Variants in NMNAT3 observed in about 807,000 individuals in gnomAD.
NMNAT3 encodes the protein nicotinamide/nicotinic acid mononucleotide adenylyltransferase 3.
Under a neutral mutation model 24.8 loss-of-function variants are expected in NMNAT3, and 21 were observed. That is an observed-to-expected ratio of 0.85 (90% CI 0.60 to 1.22). NMNAT3 has a LOEUF of 1.22. NMNAT3 is among the 50% of genes most tolerant of loss of function. The pLI is 0.00. For synonymous variants in NMNAT3, 136 were observed against 155.2 expected, an observed-to-expected ratio of 0.88 and a Z score of 0.92; for missense variants, 387 against 436.6, an observed-to-expected ratio of 0.89 and a Z score of 1.01.
intron 1 of NMNAT3, among the ~76,000 whole-genome samples, 156 bp downstream of exon 1, chr3:139,677,549 G>A (rs891326828): frequency 3.9e-5 from 6 of 152,202 alleles, no homozygotes; most frequent in African/African-American, 1.4e-4. Context: ...TGTCCCCCCG[G>A]TTCGCGCCAC....
In NMNAT3 at chr3:139,672,113, C is replaced by T. The variant is rs1355340424; in HGVS notation, c.-141+5592G>A. The stretch of plus-strand genomic sequence containing the variant: ...TGAGCCATGCTTGTCAGCCTTGCTC[C>T]GTACTCTCCTCTTTCCAGAACACTG... On this transcript the variant is annotated intron_variant, in intron 1 of 6. Coordinates refer to ENST00000643695, the MANE Select transcript of NMNAT3 (RefSeq NM_001320510.2). Among the ~76,000 whole-genome samples the T allele has an allele frequency of 5.3e-5, 8 of 152,280 alleles. No homozygotes were observed. The South Asian group carries it at 6.2e-4, about 12-fold the overall frequency.
Position 139,578,871 on chromosome 3 carries a change from C to A in NMNAT3, c.575+1G>T, listed in dbSNP as rs990475297. 2 of 1,613,186 alleles carry A rather than the reference C, an allele frequency of 1.2e-6. No individual in the cohort carries two copies. Among genetic ancestry groups the A allele is most frequent in the Admixed American group, 3.3e-5 (2 of 59,988 alleles). On this transcript the variant is annotated splice_donor_variant, in intron 5 of 6. Transcript: ENST00000643695. LOFTEE classifies it high-confidence loss of function. ...TCACACAGGAGAGTGACTACCATTA[C>A]CTCAGCACCTTCACTGTCTCCATCC...
In NMNAT3 at chr3:139,639,484, G is replaced by A. The variant is rs116186696; in HGVS notation, c.-140-1422C>T. ...AGGCAGAGTTACTGTCCAGTATAAT[G>A]AAGATGATGTCCTTCTTTGGAGCAA... On this transcript the variant is annotated intron_variant, in intron 1 of 6. Transcript: ENST00000643695. Among the ~76,000 whole-genome samples, 949 of 152,326 alleles carry A rather than the reference G, an allele frequency of 6.2e-3. 11 individuals carry two copies. The highest frequency in any genetic ancestry group is 0.022 in the African/African-American group (916 of 41,558).
At position 139,573,595 on chromosome 3, in the gene NMNAT3, C is replaced by A; in HGVS notation, c.658+3G>T. The stretch of plus-strand genomic sequence containing the variant: ...TCCTACAGACAAGAGGATCAGCACC[C>A]ACCTGCAGGGGTCGAGAAGAGTGCC... On this transcript the variant is annotated splice_donor_region_variant and intron_variant, in intron 6 of 6. Coordinates refer to ENST00000643695, the MANE Select transcript of NMNAT3 (RefSeq NM_001320510.2). 1 of 1,571,134 alleles carries A rather than the reference C, an allele frequency of 6.4e-7. No individual in the cohort carries two copies. The highest frequency in any genetic ancestry group is 1.2e-5 in the South Asian group (1 of 85,482).
chr3:139,595,386 C>T (rs1309596717), intron 3 of NMNAT3, among the ~76,000 whole-genome samples: 1 of 152,130 alleles, frequency 6.6e-6, no homozygotes, highest in African/African-American at 2.4e-5. Flanking sequence ...GCCATACTGC[C>T]CAAGGTAATT....
intron 1 of NMNAT3, among the ~76,000 whole-genome samples, chr3:139,665,091 C>T (rs964438543): frequency 6.6e-6 from 1 of 152,144 alleles, no homozygotes; most frequent in African/African-American, 2.4e-5. Flanking sequence ...TATTTTTGAA[C>T]AGGACAAGCT....
At chr3:139,595,656 G>A (rs1014167692) in intron 3 of NMNAT3, among the ~76,000 whole-genome samples, 13 of 152,130 alleles carry the variant, frequency 8.5e-5, no homozygotes, top group East Asian at 3.9e-4. Context: ...AAATAACGCC[G>A]CATATCTACA....
chr3:139,586,212 G>C (rs1158045935), intron 3 of NMNAT3, among the ~76,000 whole-genome samples: 1 of 152,142 alleles, frequency 6.6e-6, no homozygotes, highest in Non-Finnish European at 1.5e-5. Flanking sequence ...AATACACACT[G>C]GGGTCTACTT....
intron 3 of NMNAT3, chr3:139,599,308 TTC>T: frequency 1.4e-6 from 1 of 702,466 alleles, no homozygotes; most frequent in South Asian, 1.5e-5. Flanking sequence ...TTTTGCAGAC[TTC>T]AGTTCTGGGG....
chr3:139,661,277 C>G (rs536272360), intron 1 of NMNAT3, among the ~76,000 whole-genome samples: 31 of 152,262 alleles, frequency 2.0e-4, no homozygotes, highest in Admixed American at 1.7e-3. Context: ...GGGCAAGGCA[C>G]CTAGTGTAGG....
At chr3:139,568,476 T>C (rs1358347194) in intron 6 of NMNAT3, 1 of 152,228 alleles carries the variant, frequency 6.6e-6, no homozygotes, top group Non-Finnish European at 1.5e-5. Flanking sequence ...TCTTGTGGCC[T>C]TTAGTGCTAT....
At chr3:139,660,530 T>C (rs2057381840) in intron 1 of NMNAT3, among the ~76,000 whole-genome samples, 1 of 152,198 alleles carries the variant, frequency 6.6e-6, no homozygotes, top group Non-Finnish European at 1.5e-5. Context: ...ACTACTAAGG[T>C]CACCTGTTAT....
intron 1 of NMNAT3, among the ~76,000 whole-genome samples, chr3:139,649,164 T>C (rs578204742): frequency 8.7e-4 from 133 of 152,266 alleles, no homozygotes; most frequent in Non-Finnish European, 1.4e-3. Context: ...AAAGATACAC[T>C]ATGAGAACCT....
chr3:139,560,617 A>C lies in NMNAT3; in HGVS notation c.*393T>G, dbSNP rs934210698. 5 of 181,092 alleles carry C rather than the reference A, an allele frequency of 2.8e-5. No homozygotes were observed. The highest frequency in any genetic ancestry group is 1.2e-4 in the African/African-American group (5 of 42,344). 11.2% of individuals were successfully genotyped at this position (181,092 alleles called of 1,614,324 possible). A position where few individuals can be genotyped will look rare whatever the true frequency, so the allele number is the denominator to read the frequency against. On this transcript the variant is annotated 3_prime_UTR_variant, in exon 7 of 7. Coordinates refer to ENST00000643695, the MANE Select transcript of NMNAT3 (RefSeq NM_001320510.2). Reference sequence around the variant, plus strand: ...AGACTAGCATGCTGCACCTGGTCCTAGTTAAAAAACACATTGTGGGCAATT... The same window carrying C: ...AGACTAGCATGCTGCACCTGGTCCTCGTTAAAAAACACATTGTGGGCAATT...
At chr3:139,577,177 A>G (rs1376420191) in intron 5 of NMNAT3, among the ~76,000 whole-genome samples, 1 of 151,954 alleles carries the variant, frequency 6.6e-6, no homozygotes, top group Non-Finnish European at 1.5e-5. Context: ...ATCTTAGCTC[A>G]CTCCTGTATT....
chr3:139,612,788 A>G (rs1290614331), intron 3 of NMNAT3, among the ~76,000 whole-genome samples: 1 of 152,194 alleles, frequency 6.6e-6, no homozygotes, highest in Non-Finnish European at 1.5e-5. Flanking sequence ...AAACAGAGAT[A>G]TAGACCAATG....
At chr3:139,590,798 T>C (rs895868350) in intron 3 of NMNAT3, among the ~76,000 whole-genome samples, 1 of 152,202 alleles carries the variant, frequency 6.6e-6, no homozygotes, top group Non-Finnish European at 1.5e-5. Flanking sequence ...TTTGTATTTT[T>C]TTATACTTTT....
chr3:139,621,247 C>T (rs1440915958), intron 3 of NMNAT3, among the ~76,000 whole-genome samples: 6 of 152,164 alleles, frequency 3.9e-5, no homozygotes, highest in Non-Finnish European at 8.8e-5. Flanking sequence ...TGGTATCTCA[C>T]CGTGATCTTC....
chr3:139,597,414 A>C (rs961075887), intron 3 of NMNAT3, among the ~76,000 whole-genome samples: 4 of 152,200 alleles, frequency 2.6e-5, no homozygotes, highest in Admixed American at 2.0e-4. Flanking sequence ...GTGGTATATT[A>C]ATAGATATCT....
Sources: allele counts gnomAD v4.1 joint callset (sites outside exome capture counted in the v4.1 genomes callset), GRCh38; gene constraint gnomAD v4.1.1; transcripts MANE v1.5; gene names NCBI Gene and HGNC (gene_info 2026-07-23, HGNC 2026-07-21).